ATRNL1: variants seen among roughly 807,000 people sequenced by gnomAD.
ATRNL1 encodes the protein attractin-like protein 1.
ATRNL1 carries 95 observed loss-of-function variants against 182.7 expected under a neutral mutation model. The observed-to-expected ratio is 0.52, with a 90% CI of 0.44 to 0.62. The LOEUF (loss-of-function observed/expected upper bound fraction) is 0.62. Among genes scored for constraint, ATRNL1 ranks in the 20% least tolerant of loss-of-function variants. The pLI is 0.00. For missense variants in ATRNL1, 1,471 were observed against 1,679.5 expected, an observed-to-expected ratio of 0.88 and a Z score of 2.17; for synonymous variants, 576 against 568.3, an observed-to-expected ratio of 1.01 and a Z score of -0.19.
At chr10:115,785,240 G>C (rs1949367015) in intron 27 of ATRNL1, among the ~76,000 whole-genome samples, 1 of 152,194 alleles carries the variant, frequency 6.6e-6, no homozygotes, top group Non-Finnish European at 1.5e-5. Flanking sequence ...CAAATGAAAG[G>C]AATAAAGGGA....
chr10:115,842,667 A>T (rs1047021195), intron 27 of ATRNL1, among the ~76,000 whole-genome samples: 1 of 111,880 alleles, frequency 8.9e-6, no homozygotes, highest in Admixed American at 1.1e-4. Flanking sequence ...TGGTATTCTA[A>T]ATTGATTTTT....
intron 27 of ATRNL1, among the ~76,000 whole-genome samples, chr10:115,834,382 G>C (rs922879979): frequency 6.6e-6 from 1 of 151,986 alleles, no homozygotes. Flanking sequence ...TGAACTTTTT[G>C]AAACCCACTT....
chr10:115,725,028 T>C (rs1053778284), intron 26 of ATRNL1, among the ~76,000 whole-genome samples: 1 of 152,214 alleles, frequency 6.6e-6, no homozygotes, highest in African/African-American at 2.4e-5. Context: ...AATTTATTTG[T>C]CTAATTCTTT....
intron 13 of ATRNL1, among the ~76,000 whole-genome samples, chr10:115,277,625 A>T (rs1298645982): frequency 7.3e-6 from 1 of 137,070 alleles, no homozygotes; most frequent in African/African-American, 2.7e-5. Context: ...TTAGCATTAA[A>T]TCTTTGTATT....
At chr10:115,769,266 A>G (rs1345565947) in intron 27 of ATRNL1, among the ~76,000 whole-genome samples, 1 of 152,186 alleles carries the variant, frequency 6.6e-6, no homozygotes, top group Non-Finnish European at 1.5e-5. Context: ...TTAATCATGC[A>G]TTGCTCCCAT....
chr10:115,559,188 A>G (rs1242932331), intron 26 of ATRNL1, among the ~76,000 whole-genome samples: 1 of 152,222 alleles, frequency 6.6e-6, no homozygotes, highest in East Asian at 1.9e-4. Context: ...TGTCCCCATC[A>G]TTAGCTCTAG....
At chr10:115,517,957 TTTC>T (rs1850723845) in intron 24 of ATRNL1, among the ~76,000 whole-genome samples, 1 of 151,916 alleles carries the variant, frequency 6.6e-6, no homozygotes, top group Non-Finnish European at 1.5e-5. Context: ...GCCAATTATC[TTTC>T]TTCAGCCTTT....
chr10:115,567,162 T>G (rs990999329), intron 26 of ATRNL1, among the ~76,000 whole-genome samples: 1 of 152,170 alleles, frequency 6.6e-6, no homozygotes, highest in Non-Finnish European at 1.5e-5. Flanking sequence ...ATAGTGAAGA[T>G]TGAGTGTAGA....
At chr10:115,120,871 T>A (rs1844698503) in intron 2 of ATRNL1, among the ~76,000 whole-genome samples, 1 of 152,214 alleles carries the variant, frequency 6.6e-6, no homozygotes, top group African/African-American at 2.4e-5. Flanking sequence ...AGTTACATTT[T>A]GTTTATTTGT....
At chr10:115,209,584 C>T (rs1848941332) in intron 8 of ATRNL1, among the ~76,000 whole-genome samples, 1 of 151,324 alleles carries the variant, frequency 6.6e-6, no homozygotes, top group Admixed American at 6.6e-5. Flanking sequence ...CATCTGTTTT[C>T]ACCACTGTCT....
At chr10:115,490,427 C>T (rs1295767330) in intron 24 of ATRNL1, among the ~76,000 whole-genome samples, 1 of 151,756 alleles carries the variant, frequency 6.6e-6, no homozygotes, top group African/African-American at 2.4e-5. Context: ...TTTCTTTTTA[C>T]TCTTTTTTCT....
intron 27 of ATRNL1, among the ~76,000 whole-genome samples, chr10:115,839,914 ATACCAAGATCTTGATTTTT>A (rs1950764634): frequency 6.6e-6 from 1 of 152,186 alleles, no homozygotes; most frequent in Non-Finnish European, 1.5e-5. Flanking sequence ...CTGGGAAGTA[ATACCAAGATCTTGATTTTT>A]CTAACTTTCC....
chr10:115,780,184 A>G (rs1441973802), intron 27 of ATRNL1, among the ~76,000 whole-genome samples: 3 of 152,190 alleles, frequency 2.0e-5, no homozygotes, highest in South Asian at 4.1e-4. Flanking sequence ...GGGACATTGC[A>G]TTGAACTCAG....
At chr10:115,174,633 C>T (rs774649589) in intron 8 of ATRNL1, among the ~76,000 whole-genome samples, 1 of 151,892 alleles carries the variant, frequency 6.6e-6, no homozygotes. Flanking sequence ...GTCTTACAGT[C>T]TCTGTCACAA....
Position 115,318,225 on chromosome 10 carries a change from G to GC in ATRNL1, c.3037+2490dup, listed in dbSNP as rs1446891029. Reference sequence around the variant, plus strand: ...GATTTGCATATGTTGAACTAGCCTTGCATCCCAGGGATGAAGTTGACTTCT... The same window carrying GC: ...GATTTGCATATGTTGAACTAGCCTTGCCATCCCAGGGATGAAGTTGACTTCT... On this transcript the variant is annotated intron_variant, in intron 18 of 28. Coordinates refer to ENST00000355044, the MANE Select transcript of ATRNL1 (RefSeq NM_207303.4). Among the ~76,000 whole-genome samples, 7 of 152,286 alleles carry GC rather than the reference G, an allele frequency of 4.6e-5. No individual in the cohort carries two copies. The East Asian group carries it at 1.3e-3, about 29-fold the overall frequency.
chr10:115,427,205 G>A (rs782589385), intron 21 of ATRNL1, among the ~76,000 whole-genome samples: 5 of 152,014 alleles, frequency 3.3e-5, no homozygotes, highest in Admixed American at 6.6e-5. Context: ...ATTTTAATTT[G>A]CACTTTCCTA....
At position 115,269,096 on chromosome 10, in the gene ATRNL1, T is replaced by C. The variant is rs557368580; in HGVS notation, c.2100+652T>C. Among the ~76,000 whole-genome samples the C allele has an allele frequency of 1.6e-4, 25 of 152,342 alleles. No homozygotes were observed. The East Asian group carries it at 2.7e-3, about 16-fold the overall frequency. On this transcript the variant is annotated intron_variant, in intron 13 of 28. Coordinates refer to ENST00000355044, the MANE Select transcript of ATRNL1 (RefSeq NM_207303.4). ...CATCTAAAGTAGAGTTTTAGCACTA[T>C]TGACATTTTGAGCCCTATAATTATT... is the stretch of plus-strand genomic sequence containing the variant.
chr10:115,472,929 G>A (rs1486590377), intron 24 of ATRNL1, among the ~76,000 whole-genome samples: 1 of 151,132 alleles, frequency 6.6e-6, no homozygotes, highest in Non-Finnish European at 1.5e-5. Context: ...AAAATTAGAG[G>A]AAAAACCTTC....
At chr10:115,410,386 A>G (rs1182867690) in intron 20 of ATRNL1, among the ~76,000 whole-genome samples, 3 of 151,712 alleles carry the variant, frequency 2.0e-5, no homozygotes, top group Non-Finnish European at 4.4e-5. Context: ...CAGTGGCACA[A>G]TCTTGGCTCA....
Sources: gnomAD v4.1 joint callset for allele counts (sites outside exome capture counted in the v4.1 genomes callset) on GRCh38, gnomAD v4.1.1 for gene constraint, MANE v1.5 for transcripts, NCBI Gene and HGNC (gene_info 2026-07-23, HGNC 2026-07-21) for gene names.